Variants in SPMIP2 observed in about 807,000 individuals in gnomAD.
SPMIP2 encodes protein SPMIP2.
chr4:158,951,252 G>A, the SPMIP2 span, among the ~76,000 whole-genome samples: 1 of 152,156 alleles, frequency 6.6e-6, no homozygotes, highest in Admixed American at 6.5e-5. Flanking sequence ...GTGCCAGTAG[G>A]CAATTTCATC....
chr4:159,062,697 G>GTCTCTC, the SPMIP2 span, among the ~76,000 whole-genome samples: 39 of 95,150 alleles, frequency 4.1e-4, 2 homozygotes, highest in East Asian at 4.5e-3. Context: ...TTGAAACAGG[G>GTCTCTC]TCTCTCTCTC....
the SPMIP2 span, among the ~76,000 whole-genome samples, chr4:159,028,233 A>G: frequency 6.6e-6 from 1 of 152,196 alleles, no homozygotes; most frequent in African/African-American, 2.4e-5. Context: ...TATGTCTTAT[A>G]TTAACTATTT....
chr4:158,981,653 T>G, the SPMIP2 span, among the ~76,000 whole-genome samples: 6,991 of 152,036 alleles, frequency 0.046, 228 homozygotes, highest in Middle Eastern at 0.071. Flanking sequence ...GACAAGCAAA[T>G]GCTGAGGGAT....
At chr4:159,007,121 T>C in the SPMIP2 span, 1 of 635,970 alleles carries the variant, frequency 1.6e-6, no homozygotes, top group Non-Finnish European at 3.0e-6. Context: ...AAGCAGCATA[T>C]GGCCAAGCCG....
chr4:159,061,798 G>A, the SPMIP2 span, among the ~76,000 whole-genome samples: 8 of 145,924 alleles, frequency 5.5e-5, no homozygotes, highest in African/African-American at 7.6e-5. Context: ...GCGACAGAGC[G>A]AGACTCAGTC....
the SPMIP2 span, chr4:158,895,904 G>A: frequency 1.4e-6 from 2 of 1,421,216 alleles, no homozygotes; most frequent in African/African-American, 1.4e-5. Context: ...CCCTTTGATA[G>A]GTATCCCTAG....
At chr4:158,926,842 G>A in the SPMIP2 span, among the ~76,000 whole-genome samples, 2 of 152,084 alleles carry the variant, frequency 1.3e-5, no homozygotes, top group African/African-American at 4.8e-5. Context: ...AATAGACACT[G>A]GGAAATCCAA....
chr4:158,969,223 A>G, the SPMIP2 span, among the ~76,000 whole-genome samples: 50,032 of 151,912 alleles, frequency 0.33, 8,468 homozygotes, highest in South Asian at 0.44. Flanking sequence ...AGGAGTCCCC[A>G]TTGAGGTTGG....
At chr4:158,924,063 G>T in the SPMIP2 span, among the ~76,000 whole-genome samples, 109 of 152,250 alleles carry the variant, frequency 7.2e-4, no homozygotes, top group Middle Eastern at 3.4e-3. Flanking sequence ...CTCTGCATAT[G>T]CACATAGAAA....
chr4:158,909,686 G>A, the SPMIP2 span, among the ~76,000 whole-genome samples: 86,054 of 150,964 alleles, frequency 0.57, 25,104 homozygotes, highest in East Asian at 0.88. Context: ...GTATCCTCCT[G>A]CCTCAGCCTC....
chr4:158,899,853 C>G, the SPMIP2 span, among the ~76,000 whole-genome samples: 30 of 152,062 alleles, frequency 2.0e-4, no homozygotes, highest in Middle Eastern at 3.4e-3. Context: ...TCGTTCAGTT[C>G]TGCTCTGATC....
At chr4:158,973,983 CAAAAAAAAA>C in the SPMIP2 span, among the ~76,000 whole-genome samples, 7 of 64,974 alleles carry the variant, frequency 1.1e-4, no homozygotes, top group Middle Eastern at 0.032. Context: ...AAGGCCACCT[CAAAAAAAAA>C]AAAAAAAAAA....
At chr4:158,963,992 A>G in the SPMIP2 span, among the ~76,000 whole-genome samples, 1 of 152,120 alleles carries the variant, frequency 6.6e-6, no homozygotes, top group East Asian at 1.9e-4. Context: ...CAGCTCTACT[A>G]AAAATACAAA....
chr4:159,007,473 T>C, the SPMIP2 span: 7 of 709,550 alleles, frequency 9.9e-6, no homozygotes, highest in Admixed American at 5.4e-5. Flanking sequence ...GAGAAATGCA[T>C]TCTAGTGATC....
At chr4:158,972,067 A>G in the SPMIP2 span, among the ~76,000 whole-genome samples, 2 of 152,202 alleles carry the variant, frequency 1.3e-5, no homozygotes, top group African/African-American at 4.8e-5. Context: ...TTGGGCCAGA[A>G]AAAGGTTTTT....
At chr4:158,973,983 C>CAAAAAAAAAA in the SPMIP2 span, among the ~76,000 whole-genome samples, 2 of 64,970 alleles carry the variant, frequency 3.1e-5, no homozygotes, top group Non-Finnish European at 5.3e-5. Context: ...AAGGCCACCT[C>CAAAAAAAAAA]AAAAAAAAAA....
chr4:159,007,895 T>C, the SPMIP2 span: 5 of 469,894 alleles, frequency 1.1e-5, no homozygotes, highest in South Asian at 4.7e-5. Flanking sequence ...AAAAAGAATA[T>C]GGTAATTACA....
the SPMIP2 span, among the ~76,000 whole-genome samples, chr4:159,022,681 C>T: frequency 6.6e-6 from 1 of 152,170 alleles, no homozygotes; most frequent in African/African-American, 2.4e-5. Flanking sequence ...GCCTGCAATG[C>T]CCTAGATACG....
the SPMIP2 span, among the ~76,000 whole-genome samples, chr4:159,051,443 G>A: frequency 6.6e-6 from 1 of 152,120 alleles, no homozygotes; most frequent in Non-Finnish European, 1.5e-5. Context: ...ACAGTGCCTG[G>A]TACTTCGTAC....
Sources: gnomAD v4.1 joint callset for allele counts (sites outside exome capture counted in the v4.1 genomes callset) on GRCh38, gnomAD v4.1.1 for gene constraint, MANE v1.5 for transcripts, NCBI Gene and HGNC (gene_info 2026-07-23, HGNC 2026-07-21) for gene names.